Variants in CMSS1 observed in about 807,000 individuals in gnomAD.
The protein encoded by CMSS1 is cms1 ribosomal small subunit homolog, also known as protein CMSS1.
A neutral mutation model predicts 43.5 loss-of-function variants in CMSS1; 33 were observed. That is an observed-to-expected ratio of 0.76 (90% CI 0.57 to 1.01). The LOEUF (loss-of-function observed/expected upper bound fraction) is 1.01. Ranked by LOEUF, CMSS1 falls within the 50% of genes least tolerant of loss-of-function variation. The pLI, the probability that CMSS1 is intolerant of heterozygous loss-of-function variation, is 0.00. For synonymous variants in CMSS1, 115 were observed against 117.2 expected, an observed-to-expected ratio of 0.98 and a Z score of 0.12; for missense variants, 313 against 326.4, an observed-to-expected ratio of 0.96 and a Z score of 0.32.
At position 100,148,173 on chromosome 3, in the gene CMSS1, A is replaced by C. The variant is rs546498672; in HGVS notation, c.153+1112A>C. On this transcript the variant is annotated intron_variant, in intron 2 of 9. Coordinates refer to ENST00000421999, the MANE Select transcript of CMSS1 (RefSeq NM_032359.4). ...GGCTTACTGCAGGCTCAACCTCCCA[A>C]ATTCAAGTGATCCTCCCACCTCAGT... Among the ~76,000 whole-genome samples, 21 of 152,126 alleles carry C rather than the reference A, an allele frequency of 1.4e-4. No homozygotes were observed. In the East Asian group the frequency reaches 4.1e-3, roughly 29 times the overall value.
rs139276082 is a variant in CMSS1, at chr3:99,982,971, G to A, written c.65-164002G>A. 5.6e-3 allele frequency among the ~76,000 whole-genome samples: 850 copies of A among 152,150 alleles called. 19 individuals carry two copies. Among genetic ancestry groups the A allele is most frequent in the Admixed American group, 0.039 (589 of 15,278 alleles). On this transcript the variant is annotated intron_variant, in intron 1 of 9. Coordinates refer to ENST00000421999, the MANE Select transcript of CMSS1 (RefSeq NM_032359.4). The stretch of plus-strand genomic sequence containing the variant: ...AGTGCTGTACGAAAATGTGTAGGGC[G>A]AATGTCTTTGAGGTGCCCACATATA...
chr3:99,854,582 A>G (rs1045739231), intron 1 of CMSS1, among the ~76,000 whole-genome samples: 4 of 152,180 alleles, frequency 2.6e-5, no homozygotes, highest in Admixed American at 6.5e-5. Context: ...TTGGGGCCAG[A>G]TAATTTGTTC....
intron 1 of CMSS1, among the ~76,000 whole-genome samples, chr3:99,882,050 A>G (rs1705747425): frequency 6.6e-6 from 1 of 152,160 alleles, no homozygotes; most frequent in Non-Finnish European, 1.5e-5. Flanking sequence ...AATTGGATTT[A>G]TATGTTTTCT....
chr3:99,832,590 C>T (rs1278870399), intron 1 of CMSS1, among the ~76,000 whole-genome samples: 1 of 142,700 alleles, frequency 7.0e-6, no homozygotes, highest in Admixed American at 6.9e-5. Context: ...TACCTGTAAT[C>T]CCAGCACTTT....
In CMSS1 at chr3:99,862,472, CAG is replaced by C. The variant is rs574174307; in HGVS notation, c.64+44432_64+44433del. ...AGTCATAATGATTGTCATTTTAGGT[CAG>C]AGTTTCTCAGCCTTAGCATTGTTGA... On this transcript the variant is annotated intron_variant, in intron 1 of 9. Coordinates refer to ENST00000421999, the MANE Select transcript of CMSS1 (RefSeq NM_032359.4). Among the ~76,000 whole-genome samples the C allele has an allele frequency of 3.8e-3, 584 of 152,250 alleles. 2 individuals are homozygous for C. Among genetic ancestry groups the C allele is most frequent in the Non-Finnish European group, 5.1e-3 (345 of 68,022 alleles).
At chr3:100,021,960 T>TGTGTGTGTGTGTGA (rs1321185364) in intron 1 of CMSS1, among the ~76,000 whole-genome samples, 9 of 93,332 alleles carry the variant, frequency 9.6e-5, no homozygotes, top group African/African-American at 3.6e-4. Flanking sequence ...TGTGTGTGTG[T>TGTGTGTGTGTGTGA]GAGAGAGAGA....
At chr3:99,956,566 C>T (rs1398965157) in intron 1 of CMSS1, among the ~76,000 whole-genome samples, 2 of 152,146 alleles carry the variant, frequency 1.3e-5, no homozygotes, top group Non-Finnish European at 2.9e-5. Context: ...AGGCTAGTCT[C>T]GAATTCCTGA....
chr3:99,992,057 T>A (rs1337661403), intron 1 of CMSS1, among the ~76,000 whole-genome samples: 1 of 151,448 alleles, frequency 6.6e-6, no homozygotes, highest in Non-Finnish European at 1.5e-5. Flanking sequence ...TCTTTCTTTA[T>A]ATAGTCCTCC....
At chr3:99,852,053 C>T (rs1943723001) in intron 1 of CMSS1, among the ~76,000 whole-genome samples, 1 of 152,148 alleles carries the variant, frequency 6.6e-6, no homozygotes, top group African/African-American at 2.4e-5. Context: ...CTATTTTCTT[C>T]TTTTATGTTT....
intron 1 of CMSS1, among the ~76,000 whole-genome samples, chr3:100,084,633 G>A (rs921444695): frequency 2.0e-5 from 3 of 152,186 alleles, no homozygotes; most frequent in Non-Finnish European, 4.4e-5. Context: ...CTATGTCTAT[G>A]CAAGGGATTT....
intron 1 of CMSS1, among the ~76,000 whole-genome samples, chr3:100,095,530 C>G (rs1291775616): frequency 6.6e-6 from 1 of 151,936 alleles, no homozygotes; most frequent in Admixed American, 6.6e-5. Context: ...AAGACAGTCT[C>G]TCCAATAAAT....
intron 1 of CMSS1, among the ~76,000 whole-genome samples, chr3:100,082,144 C>CAAATTGCAA (rs2065942438): frequency 6.6e-6 from 1 of 152,012 alleles, no homozygotes; most frequent in African/African-American, 2.4e-5. Flanking sequence ...AAAATACAAA[C>CAAATTGCAA]AACTCTTTAT....
intron 1 of CMSS1, among the ~76,000 whole-genome samples, chr3:99,976,293 G>C (rs749050929): frequency 3.3e-5 from 5 of 152,090 alleles, no homozygotes; most frequent in Non-Finnish European, 7.4e-5. Context: ...CATATGCTAC[G>C]CGTTCCTGCT....
rs997357142 is a variant in CMSS1, at chr3:99,817,922, T to G, written c.-58T>G. The G allele has an allele frequency of 6.3e-7, 1 of 1,575,838 alleles. No homozygotes were observed. The highest frequency in any genetic ancestry group is 1.3e-5 in the African/African-American group (1 of 74,286). ...GCCGCCTGGCTTTGAGACAACGTGA[T>G]TCTCCGCAGCTGGTCGCCTACCCGT... On this transcript the variant is annotated 5_prime_UTR_variant, in exon 1 of 10. Transcript: ENST00000421999.
At chr3:99,836,565 T>C (rs765344630) in intron 1 of CMSS1, among the ~76,000 whole-genome samples, 4 of 152,160 alleles carry the variant, frequency 2.6e-5, no homozygotes, top group Non-Finnish European at 5.9e-5. Context: ...GCCGCTCTTT[T>C]CTTCTCCCAC....
At chr3:99,944,077 T>A (rs1356254241) in intron 1 of CMSS1, among the ~76,000 whole-genome samples, 1 of 152,128 alleles carries the variant, frequency 6.6e-6, no homozygotes, top group Non-Finnish European at 1.5e-5. Flanking sequence ...GAACATCAAA[T>A]GAGATAAGAA....
chr3:100,020,246 C>T (rs1485361821), intron 1 of CMSS1, among the ~76,000 whole-genome samples: 2 of 152,174 alleles, frequency 1.3e-5, no homozygotes, highest in Non-Finnish European at 2.9e-5. Flanking sequence ...TTGCAATTTA[C>T]TTCACTATTC....
chr3:100,166,859 C>A (rs1460360421), intron 5 of CMSS1, among the ~76,000 whole-genome samples: 1 of 152,082 alleles, frequency 6.6e-6, no homozygotes, highest in Non-Finnish European at 1.5e-5. Flanking sequence ...CTGTCTCAGC[C>A]TCCCAAGCAG....
intron 1 of CMSS1, among the ~76,000 whole-genome samples, chr3:99,945,389 T>C (rs1707978837): frequency 6.6e-6 from 1 of 152,148 alleles, no homozygotes; most frequent in Non-Finnish European, 1.5e-5. Flanking sequence ...TGGGGATAGA[T>C]TGAGCTTGGG....
Sources: gnomAD v4.1 joint callset for allele counts (sites outside exome capture counted in the v4.1 genomes callset) on GRCh38, gnomAD v4.1.1 for gene constraint, MANE v1.5 for transcripts, NCBI Gene and HGNC (gene_info 2026-07-23, HGNC 2026-07-21) for gene names.